MPP7: variants seen among roughly 807,000 people sequenced by gnomAD.
MPP7 encodes the protein MAGUK p55 scaffold protein 7, also known as MAGUK p55 subfamily member 7.
A neutral mutation model predicts 76.5 loss-of-function variants in MPP7; 60 were observed. The ratio of observed to expected loss-of-function variants is 0.78; its 90% CI spans 0.64 to 0.97. The LOEUF (loss-of-function observed/expected upper bound fraction) is 0.97. Ranked by LOEUF, MPP7 falls within the 50% of genes least tolerant of loss-of-function variation. The pLI, the probability that MPP7 is intolerant of heterozygous loss-of-function variation, is 0.00. For synonymous variants in MPP7, 237 were observed against 244.5 expected, an observed-to-expected ratio of 0.97 and a Z score of 0.29; for missense variants, 641 against 694.0, an observed-to-expected ratio of 0.92 and a Z score of 0.86.
At chr10:28,214,629 G>A (rs1838249727) in intron 2 of MPP7, among the ~76,000 whole-genome samples, 1 of 152,064 alleles carries the variant, frequency 6.6e-6, no homozygotes, top group African/African-American at 2.4e-5. Flanking sequence ...ACTGAGGAAA[G>A]TATGACAGTG....
In MPP7 at chr10:28,105,019, T is replaced by C. The variant is rs549309091; in HGVS notation, c.952+14632A>G. On this transcript the variant is annotated intron_variant, in intron 11 of 16. Transcript: ENST00000683449. ...AAGACCAAGAGTTGAATGGAGTGAATAGCTGTACTCTATAATCCCAGCTAG... is the reference window on the plus strand; with the variant it reads ...AAGACCAAGAGTTGAATGGAGTGAACAGCTGTACTCTATAATCCCAGCTAG... 2.6e-5 allele frequency among the ~76,000 whole-genome samples: 4 copies of C among 152,112 alleles called. No individual in the cohort carries two copies. In the East Asian group the frequency reaches 7.8e-4, roughly 29 times the overall value.
At chr10:28,219,503 A>G (rs558696588) in intron 2 of MPP7, among the ~76,000 whole-genome samples, 2 of 152,262 alleles carry the variant, frequency 1.3e-5, no homozygotes, top group African/African-American at 4.8e-5. Context: ...CATATCCCTC[A>G]TAGCTTCATT....
chr10:28,094,882 G>A (rs1853489099), intron 11 of MPP7, among the ~76,000 whole-genome samples: 1 of 152,106 alleles, frequency 6.6e-6, no homozygotes, highest in South Asian at 2.1e-4. Context: ...TTGAATCCAG[G>A]AGGTGGAGGT....
At chr10:28,138,526 A>T (rs1835417016) in intron 5 of MPP7, among the ~76,000 whole-genome samples, 1 of 152,236 alleles carries the variant, frequency 6.6e-6, no homozygotes, top group Non-Finnish European at 1.5e-5. Flanking sequence ...TTGACTAATA[A>T]GAATAATCTA....
At chr10:28,055,508 T>C (rs1851520508) in intron 16 of MPP7, among the ~76,000 whole-genome samples, 1 of 152,198 alleles carries the variant, frequency 6.6e-6, no homozygotes, top group Non-Finnish European at 1.5e-5. Flanking sequence ...AAAGGTAGAA[T>C]ATATTAAGAT....
chr10:28,092,593 G>A (rs1228773140), intron 11 of MPP7, among the ~76,000 whole-genome samples: 1 of 65,484 alleles, frequency 1.5e-5, no homozygotes, highest in South Asian at 9.9e-4. Context: ...TTTTTTTTGA[G>A]ACAGGGACTG....
At chr10:28,244,293 T>A (rs542653824) in intron 1 of MPP7, among the ~76,000 whole-genome samples, 1 of 152,330 alleles carries the variant, frequency 6.6e-6, no homozygotes, top group South Asian at 2.1e-4. Context: ...TAAAAAAATC[T>A]ATTTTGTTTT....
intron 12 of MPP7, among the ~76,000 whole-genome samples, chr10:28,078,896 T>C (rs968851045): frequency 2.0e-5 from 3 of 152,238 alleles, no homozygotes; most frequent in Non-Finnish European, 4.4e-5. Flanking sequence ...AAAATGTTAA[T>C]ACAATTTCTA....
At chr10:28,137,299 T>C (rs1167357900) in intron 5 of MPP7, among the ~76,000 whole-genome samples, 3 of 152,174 alleles carry the variant, frequency 2.0e-5, no homozygotes, top group African/African-American at 4.8e-5. Flanking sequence ...GCTGAAAGAA[T>C]TCACTGCCAG....
intron 2 of MPP7, among the ~76,000 whole-genome samples, chr10:28,202,475 T>C (rs1202464893): frequency 6.6e-6 from 1 of 152,226 alleles, no homozygotes; most frequent in Non-Finnish European, 1.5e-5. Context: ...AACAGACTCA[T>C]TTTTACCTCT....
chr10:28,204,657 T>A (rs955710232), intron 2 of MPP7, among the ~76,000 whole-genome samples: 3 of 152,074 alleles, frequency 2.0e-5, no homozygotes, highest in Admixed American at 1.3e-4. Flanking sequence ...TCTACAATTA[T>A]CTCAAAATAA....
intron 2 of MPP7, among the ~76,000 whole-genome samples, chr10:28,204,180 C>T (rs1322201406): frequency 2.6e-5 from 4 of 152,126 alleles, no homozygotes; most frequent in Non-Finnish European, 5.9e-5. Flanking sequence ...TAATGGCTCA[C>T]GCCCATAATC....
chr10:28,234,091 A>C (rs1838987580), intron 2 of MPP7, among the ~76,000 whole-genome samples: 1 of 152,180 alleles, frequency 6.6e-6, no homozygotes, highest in Non-Finnish European at 1.5e-5. Context: ...CAACAAAAGG[A>C]ACTAGAGCCC....
intron 2 of MPP7, among the ~76,000 whole-genome samples, chr10:28,323,588 T>G (rs1834385988): frequency 1.3e-5 from 2 of 152,162 alleles, no homozygotes; most frequent in African/African-American, 4.8e-5. Flanking sequence ...CTCAAGCCTG[T>G]AATCCCAGTA....
chr10:28,263,018 C>T (rs757098851), intron 1 of MPP7, among the ~76,000 whole-genome samples: 4 of 152,008 alleles, frequency 2.6e-5, no homozygotes, highest in Middle Eastern at 3.4e-3. Context: ...TTCGCACCAC[C>T]GCACTCCAGC....
chr10:28,131,725 A>G, intron 5 of MPP7, 34 bp from the exon 6 acceptor site: 7 of 1,307,246 alleles, frequency 5.4e-6, no homozygotes, highest in Non-Finnish European at 7.2e-6. Flanking sequence ...AAATAAGTAA[A>G]TATACATACT....
At chr10:28,072,802 A>G (rs894350341) in intron 12 of MPP7, among the ~76,000 whole-genome samples, 1 of 152,208 alleles carries the variant, frequency 6.6e-6, no homozygotes, top group Admixed American at 6.5e-5. Flanking sequence ...TCATTCTCTG[A>G]TCTTCTTGGA....
rs535338495 is a variant in MPP7, at chr10:28,115,492, A to G, written c.952+4159T>C. 3.9e-5 allele frequency among the ~76,000 whole-genome samples: 6 copies of G among 152,364 alleles called. No homozygotes were observed. In the South Asian group the frequency reaches 1.2e-3, roughly 32 times the overall value. On this transcript the variant is annotated intron_variant, in intron 11 of 16. Transcript: ENST00000683449. Reference sequence around the variant, plus strand: ...AAATGTTTGACAATGTTTTAGACATACAAACTTCATGTAACAACATAAGCA... The same window carrying G: ...AAATGTTTGACAATGTTTTAGACATGCAAACTTCATGTAACAACATAAGCA...
At chr10:28,321,840 C>T (rs910218985) in intron 2 of MPP7, among the ~76,000 whole-genome samples, 1 of 152,148 alleles carries the variant, frequency 6.6e-6, no homozygotes, top group African/African-American at 2.4e-5. Context: ...CCCACCTTGG[C>T]TTCCCAAAGT....
Sources: allele counts gnomAD v4.1 joint callset (sites outside exome capture counted in the v4.1 genomes callset), GRCh38; gene constraint gnomAD v4.1.1; transcripts MANE v1.5; gene names NCBI Gene and HGNC (gene_info 2026-07-23, HGNC 2026-07-21).